The following ATP2B2 variants were observed in gnomAD, a reference collection of about 807,000 sequenced individuals.
The protein encoded by ATP2B2 is plasma membrane calcium-transporting ATPase 2.
Under a neutral mutation model 120.0 loss-of-function variants are expected in ATP2B2, and 15 were observed. The observed-to-expected ratio is 0.12, with a 90% confidence interval of 0.08 to 0.19. ATP2B2 has a LOEUF of 0.19. Ranked by LOEUF, ATP2B2 falls within the 10% of genes least tolerant of loss-of-function variation. The pLI is 1.00. For missense variants in ATP2B2, 1,045 were observed against 1,719.8 expected, an observed-to-expected ratio of 0.61 and a Z score of 6.94; for synonymous variants, 694 against 700.3, an observed-to-expected ratio of 0.99 and a Z score of 0.14.
At chr3:10,551,284 G>A (rs1289367851) in intron 2 of ATP2B2, among the ~76,000 whole-genome samples, 2 of 152,254 alleles carry the variant, frequency 1.3e-5, no homozygotes, top group Non-Finnish European at 2.9e-5. Flanking sequence ...GGGGAAAGAT[G>A]AGAGACGCAG....
intron 2 of ATP2B2, among the ~76,000 whole-genome samples, chr3:10,573,664 C>A (rs1315300908): frequency 6.6e-6 from 1 of 152,188 alleles, no homozygotes; most frequent in Non-Finnish European, 1.5e-5. Context: ...CAAGAACTGG[C>A]TGGGGTAGAA....
chr3:10,483,460 C>T (rs565122836), intron 1 of ATP2B2, among the ~76,000 whole-genome samples: 7 of 152,342 alleles, frequency 4.6e-5, no homozygotes, highest in East Asian at 1.9e-4. Context: ...GACACCACCC[C>T]GAGCACTGAG....
intron 15 of ATP2B2, 46 bp downstream of exon 15, chr3:10,350,352 C>T (rs769984003): frequency 8.1e-6 from 13 of 1,613,468 alleles, no homozygotes; most frequent in Non-Finnish European, 1.0e-5. Flanking sequence ...TCCCAGCTCC[C>T]ATCTGAGCGC....
intron 2 of ATP2B2, among the ~76,000 whole-genome samples, chr3:10,565,546 C>G (rs2067992016): frequency 6.6e-6 from 1 of 152,146 alleles, no homozygotes; most frequent in Non-Finnish European, 1.5e-5. Context: ...TCCCCTCCAG[C>G]CCAGACATTA....
intron 3 of ATP2B2, among the ~76,000 whole-genome samples, chr3:10,523,325 C>T (rs2067022449): frequency 6.6e-6 from 1 of 152,322 alleles, no homozygotes; most frequent in South Asian, 2.1e-4. Context: ...GTATGACAAG[C>T]TTTTAACTTT....
At position 10,578,546 on chromosome 3, in the gene ATP2B2, C is replaced by CA. The variant is rs35312020; in HGVS notation, c.-415+41370dup. ...TGGGTGACAGAGAGAGAGTCCATCT[C>CA]AAAAAAAAAAAACAAAAAGAAAAAC... On this transcript the variant is annotated intron_variant, in intron 2 of 21. Transcript: ENST00000646379. 6.0e-3 allele frequency among the ~76,000 whole-genome samples: 817 copies of CA among 135,958 alleles called. 8 individuals are homozygous for CA. The highest frequency in any genetic ancestry group is 0.016 in the African/African-American group (593 of 36,984). The allele number at this position is 135,958 out of a possible 152,430, so 89.2% of individuals were successfully genotyped here.
At chr3:10,442,886 T>G (rs916696398) in intron 2 of ATP2B2, among the ~76,000 whole-genome samples, 4 of 152,220 alleles carry the variant, frequency 2.6e-5, no homozygotes, top group African/African-American at 9.6e-5. Flanking sequence ...AGCGACCCTA[T>G]GAAAGAGGCA....
At chr3:10,536,468 TTCC>T (rs35500742) in intron 2 of ATP2B2, among the ~76,000 whole-genome samples, 21 of 151,486 alleles carry the variant, frequency 1.4e-4, no homozygotes, top group African/African-American at 2.4e-4. Context: ...TCCTTCCTCC[TTCC>T]TCCTCCTCCT....
At chr3:10,606,880 AACACACACAC>A (rs147614282) in intron 2 of ATP2B2, among the ~76,000 whole-genome samples, 13 of 100,100 alleles carry the variant, frequency 1.3e-4, no homozygotes, top group Non-Finnish European at 1.8e-4. Context: ...ACGGAGTCTA[AACACACACAC>A]ACACACACAC....
intron 1 of ATP2B2, among the ~76,000 whole-genome samples, chr3:10,628,959 A>G (rs73811970): frequency 0.031 from 4,730 of 152,266 alleles, 262 homozygotes; most frequent in African/African-American, 0.11. Flanking sequence ...AAGATACCTT[A>G]TTTAATATCT....
At chr3:10,563,690 G>A (rs905950264) in intron 2 of ATP2B2, among the ~76,000 whole-genome samples, 2 of 152,244 alleles carry the variant, frequency 1.3e-5, no homozygotes, top group Non-Finnish European at 2.9e-5. Flanking sequence ...GTACTGTGCA[G>A]CCCAGGCTTC....
chr3:10,482,056 T>A (rs920192346), intron 1 of ATP2B2, among the ~76,000 whole-genome samples: 1 of 144,756 alleles, frequency 6.9e-6, no homozygotes, highest in East Asian at 1.9e-4. Context: ...CAGACAAACC[T>A]GGACACGTTA....
chr3:10,470,762 C>G (rs899319278), intron 1 of ATP2B2, among the ~76,000 whole-genome samples: 18 of 152,146 alleles, frequency 1.2e-4, no homozygotes, highest in Non-Finnish European at 2.1e-4. Context: ...GGGGACAGGA[C>G]CCCACTTCCC....
intron 8 of ATP2B2, among the ~76,000 whole-genome samples, chr3:10,381,131 G>A (rs1031627072): frequency 1.3e-5 from 2 of 152,140 alleles, no homozygotes; most frequent in African/African-American, 2.4e-5. Flanking sequence ...CCCGAACCTC[G>A]CCCAGCACTG....
intron 2 of ATP2B2, among the ~76,000 whole-genome samples, chr3:10,424,673 C>A (rs565742249): frequency 5.8e-4 from 89 of 152,206 alleles, no homozygotes; most frequent in Admixed American, 2.4e-3. Flanking sequence ...GCTAAATAAA[C>A]GGTGGTACAT....
chr3:10,382,241 G>A (rs1291025539), intron 8 of ATP2B2, among the ~76,000 whole-genome samples: 1 of 127,388 alleles, frequency 7.9e-6, no homozygotes, highest in African/African-American at 3.2e-5. Flanking sequence ...TCACTATGAT[G>A]TCTAGGCTGG....
At chr3:10,518,978 AAT>A (rs1289105172) in intron 3 of ATP2B2, among the ~76,000 whole-genome samples, 3 of 152,274 alleles carry the variant, frequency 2.0e-5, no homozygotes, top group Non-Finnish European at 4.4e-5. Context: ...GATCATGAGT[AAT>A]AACTAATGTT....
At chr3:10,338,472 C>A in intron 21 of ATP2B2, 114 bp from the exon 22 acceptor site, 50 of 859,960 alleles carry the variant, frequency 5.8e-5, no homozygotes, top group Middle Eastern at 6.9e-4. Flanking sequence ...GGCATGTGAT[C>A]AATCTACTCC....
chr3:10,365,608 G>T (rs1317607923), intron 12 of ATP2B2, among the ~76,000 whole-genome samples: 2 of 150,652 alleles, frequency 1.3e-5, no homozygotes, highest in Non-Finnish European at 3.0e-5. Flanking sequence ...GTGTGTGTGT[G>T]ATGCATGGGG....
Sources: gnomAD v4.1 joint callset for allele counts (sites outside exome capture counted in the v4.1 genomes callset) on GRCh38, gnomAD v4.1.1 for gene constraint, MANE v1.5 for transcripts, NCBI Gene and HGNC (gene_info 2026-07-23, HGNC 2026-07-21) for gene names.